Variants in LCAT observed in about 807,000 individuals in gnomAD.
LCAT encodes the protein phosphatidylcholine-sterol acyltransferase.
In LCAT, 15 loss-of-function variants were observed where a neutral mutation model predicts 41.0. The observed-to-expected ratio is 0.37, with a 90% CI of 0.24 to 0.56. The LOEUF is 0.56. Among genes scored for constraint, LCAT ranks in the 20% least tolerant of loss-of-function variants. The pLI is 0.81. For synonymous variants in LCAT, 248 were observed against 245.4 expected, an observed-to-expected ratio of 1.01 and a Z score of -0.10; for missense variants, 449 against 595.1, an observed-to-expected ratio of 0.75 and a Z score of 2.55.
At chr16:67,941,620 G>GA (rs575990770) in intron 5 of LCAT, 1,603 of 878,434 alleles carry the variant, frequency 1.8e-3, no homozygotes, top group Non-Finnish European at 2.0e-3. Context: ...GTCTGAAAAA[G>GA]AAAAAAAAAA....
chr16:67,942,245 C>T lies in LCAT; in HGVS notation c.748+118G>A. The T allele has an allele frequency of 7.7e-7, 1 of 1,306,826 alleles. No individual in the cohort carries two copies. The highest frequency in any genetic ancestry group is 2.0e-5 in the Admixed American group (1 of 50,940). 81.0% of individuals were successfully genotyped at this position (1,306,826 alleles called of 1,614,324 possible). On this transcript the variant is annotated intron_variant, in intron 5 of 5. Coordinates refer to ENST00000264005, the MANE Select transcript of LCAT (RefSeq NM_000229.2). This position sits in a 1 kb window ranked among gnomAD's most constrained non-coding sequence, Gnocchi z 6.6. ...GGCCAGTGACAGCAAGCATGCCAGC[C>T]CAGGAGTGGTAGATAGCACCCCTAG... is the stretch of plus-strand genomic sequence containing the variant.
At position 67,942,353 on chromosome 16, in the gene LCAT, G is replaced by A; in HGVS notation, c.748+10C>T. The A allele has an allele frequency of 6.2e-7, 1 of 1,613,142 alleles. No homozygotes were observed. The highest frequency in any genetic ancestry group is 1.1e-5 in the South Asian group (1 of 91,064). The stretch of plus-strand genomic sequence containing the variant: ...CCATCGCTGGACCTAAGTGTTCGAG[G>A]CCTTCTCACCTGAGGCCAAGACCAG... On this transcript the variant is annotated intron_variant, in intron 5 of 5. Transcript: ENST00000264005. This position sits in a 1 kb window ranked among gnomAD's most constrained non-coding sequence, Gnocchi z 6.6.
Position 67,942,631 on chromosome 16 carries a change from C to G in LCAT, c.523+40G>C. ...GTCAGGGCAGCTGGGGTCTGGGGCA[C>G]CTGCCCCACCCCAAGCCGGTCATCC... is the stretch of plus-strand genomic sequence containing the variant. On this transcript the variant is annotated intron_variant, in intron 4 of 5. Coordinates refer to ENST00000264005, the MANE Select transcript of LCAT (RefSeq NM_000229.2). This position sits in a 1 kb window ranked among gnomAD's most constrained non-coding sequence, Gnocchi z 6.6. The G allele has an allele frequency of 6.2e-7, 1 of 1,611,678 alleles. No homozygotes were observed. Among genetic ancestry groups the G allele is most frequent in the East Asian group, 2.2e-5 (1 of 44,880 alleles).
At position 67,942,597 on chromosome 16, in the gene LCAT, G is replaced by A. The variant is rs2151320918; in HGVS notation, c.524-10C>T. 1 of 1,613,200 alleles carries A rather than the reference G, an allele frequency of 6.2e-7. No individual in the cohort carries two copies. The highest frequency in any genetic ancestry group is 8.5e-7 in the Non-Finnish European group (1 of 1,179,970). On this transcript the variant is annotated splice_polypyrimidine_tract_variant and intron_variant, in intron 4 of 5. Transcript: ENST00000264005. The surrounding 1 kb of genome is among the most constrained non-coding windows in gnomAD (Gnocchi z 6.6). ...TACTCCTCCTGCTGGCCTGCAGCGG[G>A]TGGAAGGGGTCAGGGCAGCTGGGGT...
rs1484317392 is a variant in LCAT at position 67,942,077 on chromosome 16, A to G, written c.748+286T>C. The G allele has an allele frequency of 2.3e-6, 3 of 1,327,282 alleles. No homozygotes were observed. The highest frequency in any genetic ancestry group is 2.9e-6 in the Non-Finnish European group (3 of 1,030,602). The allele number at this position is 1,327,282 out of a possible 1,614,324, so 82.2% of individuals were successfully genotyped here. A position where few individuals can be genotyped will look rare whatever the true frequency, so the allele number is the denominator to read the frequency against. On this transcript the variant is annotated intron_variant, in intron 5 of 5. Transcript: ENST00000264005. This position sits in a 1 kb window ranked among gnomAD's most constrained non-coding sequence, Gnocchi z 6.6. Reference sequence around the variant, plus strand: ...AGTGGAAGGCAGGCAAGGGCTGGGCAGGCAGGCTCTGGGGCTACAAGAACA... The same window carrying G: ...AGTGGAAGGCAGGCAAGGGCTGGGCGGGCAGGCTCTGGGGCTACAAGAACA...
chr16:67,942,229 C>A lies in LCAT; in HGVS notation c.748+134G>T. ...GGGTCACTGCTCTGGGGGCCAGTGA[C>A]AGCAAGCATGCCAGCCCAGGAGTGG... On this transcript the variant is annotated intron_variant, in intron 5 of 5. Transcript: ENST00000264005. The surrounding 1 kb of genome is among the most constrained non-coding windows in gnomAD (Gnocchi z 6.6). 2.3e-6 allele frequency: 3 copies of A among 1,285,826 alleles called. No individual in the cohort carries two copies. The allele number at this position is 1,285,826 out of a possible 1,614,324, so 79.7% of individuals were successfully genotyped here.
In LCAT at chr16:67,939,759, C is replaced by T; in HGVS notation, c.*145G>A. 1 of 1,418,376 alleles carries T rather than the reference C, an allele frequency of 7.1e-7. No individual in the cohort carries two copies. The highest frequency in any genetic ancestry group is 9.5e-7 in the Non-Finnish European group (1 of 1,055,300). The allele number at this position is 1,418,376 out of a possible 1,614,324, so 87.9% of individuals were successfully genotyped here. A position where few individuals can be genotyped will look rare whatever the true frequency, so the allele number is the denominator to read the frequency against. Reference sequence around the variant, plus strand: ...TACATCTAGGGTGCCCAGCTCAGTCCCAGGCCTCAGCAGAGCCCATCTTGC... The same window carrying T: ...TACATCTAGGGTGCCCAGCTCAGTCTCAGGCCTCAGCAGAGCCCATCTTGC... On this transcript the variant is annotated 3_prime_UTR_variant, in exon 6 of 6. Transcript: ENST00000264005.
chr16:67,940,257 G>C lies in LCAT; in HGVS notation c.970C>G (p.Leu324Val), dbSNP rs2151319946. 6.2e-7 allele frequency: 1 copy of C among 1,613,882 alleles called. No individual in the cohort carries two copies. The stretch of plus-strand genomic sequence containing the variant: ...CCAGGTGCTGGGAGTCCTGCCAGGA[G>C]GTCACGTGACTGCAGCCACATGTAC... ...GWYMWLQSRD[L>V]LAGLPAPGVE... Residue 324 changes from leucine to valine, a missense_variant, in exon 6 of 6, where the codon CTC (leucine) becomes GTC (valine). Leu to Val is a conservative substitution (Grantham distance 32, BLOSUM62 1). Coordinates refer to ENST00000264005, the MANE Select transcript of LCAT (RefSeq NM_000229.2).
intron 5 of LCAT, chr16:67,940,732 C>T: frequency 1.8e-6 from 1 of 558,670 alleles, no homozygotes; most frequent in East Asian, 3.6e-5. Context: ...GGCACCATGG[C>T]TCACCCCTGT....
In LCAT at chr16:67,940,013, A is replaced by G; in HGVS notation, c.1214T>C (p.Val405Ala). The G allele has an allele frequency of 6.2e-7, 1 of 1,613,606 alleles. No homozygotes were observed. The highest frequency in any genetic ancestry group is 1.3e-5 in the African/African-American group (1 of 75,032). ...GTGCTCCAGGGTCAGGTTGCTGAAG[A>G]CCATGTTGAGATGCTGTATCCCGTG... is the stretch of plus-strand genomic sequence containing the variant. ...PLHGIQHLNM[V>A]FSNLTLEHIN... Residue 405 changes from valine to alanine, a missense_variant, in exon 6 of 6, where the codon GTC (valine) becomes GCC (alanine). Physicochemically the swap from Val to Ala is moderately conservative, Grantham distance 64. Coordinates refer to ENST00000264005, the MANE Select transcript of LCAT (RefSeq NM_000229.2).
intron 5 of LCAT, chr16:67,941,696 A>G: frequency 3.0e-6 from 3 of 992,516 alleles, no homozygotes; most frequent in Non-Finnish European, 3.6e-6. Flanking sequence ...ATGTGTGGGG[A>G]TGGTGGGGGC....
chr16:67,940,195 G>A lies in LCAT; in HGVS notation c.1032C>T (p.Pro344=), dbSNP rs1598202510. ...GGTCGTAGATGTAGGTGCGGGGCGT[G>A]GGCAGGCCCACGCCGTAAAGACAGT... The part of the protein sequence containing the change: ...EVYCLYGVGL[P]TPRTYIYDHG... The change falls in exon 6 of 6, where the codon CCC becomes CCT. Residue 344 remains proline, a synonymous_variant. Transcript: ENST00000264005. 6.2e-7 allele frequency: 1 copy of A among 1,612,610 alleles called. No homozygotes were observed. The highest frequency in any genetic ancestry group is 1.1e-5 in the South Asian group (1 of 91,072).
rs1287130448 is a variant in LCAT at position 67,940,309 on chromosome 16, A to G, written c.918T>C (p.Phe306=). The change falls in exon 6 of 6, where the codon TTT becomes TTC. Residue 306 remains phenylalanine, a synonymous_variant. Transcript: ENST00000264005. ...NYTGRDFQRF[F]ADLHFEEGWY... is the part of the protein sequence containing the mutation. The stretch of plus-strand genomic sequence containing the variant: ...AGCCTTCCTCAAAGTGCAGGTCTGC[A>G]AAGAAGCGTTGGAAGTCACGGCCTG... The G allele has an allele frequency of 1.2e-6, 2 of 1,614,152 alleles. No individual in the cohort carries two copies.
In LCAT at chr16:67,944,000, C is replaced by T. The variant is rs919086282; in HGVS notation, c.102G>A (p.Pro34=). The T allele has an allele frequency of 2.0e-5, 31 of 1,547,834 alleles. No individual in the cohort carries two copies. Among genetic ancestry groups the T allele is most frequent in the East Asian group, 4.9e-5 (2 of 40,858 alleles). ...PFWLLNVLFP[P]HTTPKAELSN... is the part of the protein sequence containing the mutation. ...TGAGCTCAGCCTTGGGCGTGGTGTGCGGGGGGAAGAGCACATTGAGGAGCC... is the reference window on the plus strand; with the variant it reads ...TGAGCTCAGCCTTGGGCGTGGTGTGTGGGGGGAAGAGCACATTGAGGAGCC... Residue 34 remains proline, a synonymous_variant, in exon 1 of 6, where the codon CCG becomes CCA. Transcript: ENST00000264005. The surrounding 1 kb of genome is among the most constrained non-coding windows in gnomAD (Gnocchi z 4.6).
At chr16:67,941,762 C>T in intron 5 of LCAT, 3 of 1,011,492 alleles carry the variant, frequency 3.0e-6, no homozygotes, top group East Asian at 9.1e-5. Flanking sequence ...GTGGCTTATG[C>T]AGCAATGGGG....
rs776035233 is a variant in LCAT, at chr16:67,940,230, C to T, written c.997G>A (p.Val333Met). ...DLLAGLPAPG[V>M]EVYCLYGVGL... ...ACGCCGTAAAGACAGTATACTTCCA[C>T]ACCAGGTGCTGGGAGTCCTGCCAGG... is the stretch of plus-strand genomic sequence containing the variant. Residue 333 changes from valine to methionine, a missense_variant, in exon 6 of 6, where the codon GTG becomes ATG. By Grantham distance (21) the Val-to-Met change is conservative. Transcript: ENST00000264005. 6.2e-7 allele frequency: 1 copy of T among 1,613,526 alleles called. No individual in the cohort carries two copies. Among genetic ancestry groups the T allele is most frequent in the Non-Finnish European group, 8.5e-7 (1 of 1,180,014 alleles).
chr16:67,942,716 C>T lies in LCAT; in HGVS notation c.478G>A (p.Asp160Asn). The stretch of plus-strand genomic sequence containing the variant: ...TAGGGGGCGGCGCGCACAGTCTCGT[C>T]CCGCACGTAGCCATTGTTGACCAGG... Reference protein sequence around the residue: ...QNLVNNGYVRDETVRAAPYDW... With the variant: ...QNLVNNGYVRNETVRAAPYDW... The change falls in exon 4 of 6, where the codon GAC becomes AAC. Residue 160 changes from aspartate to asparagine, a missense_variant. Coordinates refer to ENST00000264005, the MANE Select transcript of LCAT (RefSeq NM_000229.2). The surrounding 1 kb of genome is among the most constrained non-coding windows in gnomAD (Gnocchi z 6.6). The T allele has an allele frequency of 6.2e-7, 1 of 1,612,886 alleles. No homozygotes were observed. The highest frequency in any genetic ancestry group is 8.5e-7 in the Non-Finnish European group (1 of 1,179,950).
Position 67,942,549 on chromosome 16 carries a change from C to T in LCAT, c.562G>A (p.Val188Met). The change falls in exon 5 of 6, where the codon GTG becomes ATG. Residue 188 changes from valine to methionine, a missense_variant. By Grantham distance (21) the Val-to-Met change is conservative (BLOSUM62 1). Coordinates refer to ENST00000264005, the MANE Select transcript of LCAT (RefSeq NM_000229.2). This position sits in a 1 kb window ranked among gnomAD's most constrained non-coding sequence, Gnocchi z 6.6. ...EEYYRKLAGL[V>M]EEMHAAYGKP... ...CCATAGGCAGCGTGCATCTCCTCCACCAGCCCTGCGAGCTTGCGGTAGTAC... is the reference window on the plus strand; with the variant it reads ...CCATAGGCAGCGTGCATCTCCTCCATCAGCCCTGCGAGCTTGCGGTAGTAC... 7 of 1,613,528 alleles carry T rather than the reference C, an allele frequency of 4.3e-6. No homozygotes were observed. Among genetic ancestry groups the T allele is most frequent in the Non-Finnish European group, 5.9e-6 (7 of 1,180,000 alleles).
chr16:67,940,531 C>G, intron 5 of LCAT, 53 bp from the exon 6 acceptor site: 1 of 1,608,556 alleles, frequency 6.2e-7, no homozygotes, highest in Non-Finnish European at 8.5e-7. Flanking sequence ...TACCCCTGGC[C>G]CACAACCTGC....
Sources: gnomAD v4.1 joint callset for allele counts on GRCh38, gnomAD v4.1.1 for gene constraint, Gnocchi (gnomAD v3.1) non-coding constraint, MANE v1.5 for transcripts, NCBI Gene and HGNC (gene_info 2026-07-23, HGNC 2026-07-21) for gene names.